The following ZFX variants were observed in gnomAD, a reference collection of about 807,000 sequenced individuals.
The protein encoded by ZFX is zinc finger X-chromosomal protein.
For missense variants in ZFX, 362 were observed against 628.3 expected (o/e 0.58, Z 4.53); for synonymous variants, 196 against 226.8 (o/e 0.86, Z 1.22).
chrX:24,165,346 C>T (rs1048589703), intron 3 of ZFX, among the ~76,000 whole-genome samples: 2 of 112,330 alleles, frequency 1.8e-5, no homozygotes, highest in Non-Finnish European at 3.8e-5. Context: ...TTCTCGATCT[C>T]CTGACCTTGT....
intron 5 of ZFX, among the ~76,000 whole-genome samples, chrX:24,185,891 G>A (rs761651805): frequency 1.9e-3 from 204 of 109,481 alleles, no homozygotes; most frequent in Non-Finnish European, 2.9e-3. Context: ...CCTTGATTGC[G>A]CCACTGTACT....
chrX:24,185,046 C>T (rs903066267), intron 5 of ZFX, among the ~76,000 whole-genome samples: 5 of 111,989 alleles, frequency 4.5e-5, no homozygotes, highest in African/African-American at 1.3e-4. Context: ...CTGCCTCCTG[C>T]GCTCAAGCAA....
intron 5 of ZFX, among the ~76,000 whole-genome samples, chrX:24,186,855 C>T (rs1281703910): frequency 9.0e-6 from 1 of 111,484 alleles, no homozygotes; most frequent in Non-Finnish European, 1.9e-5. Context: ...CTATTTACTG[C>T]ATCTTTGCTG....
chrX:24,169,605 AAAAAGAT>A (rs1412640031), intron 3 of ZFX, among the ~76,000 whole-genome samples: 1 of 108,331 alleles, frequency 9.2e-6, no homozygotes, highest in East Asian at 2.9e-4. Context: ...AAAAAAAAAA[AAAAAGAT>A]TCTTGAGAAG....
At chrX:24,168,539 T>C (rs986186294) in intron 3 of ZFX, among the ~76,000 whole-genome samples, 3 of 111,167 alleles carry the variant, frequency 2.7e-5, no homozygotes, top group Non-Finnish European at 3.8e-5. Flanking sequence ...TGCTTTATTA[T>C]ATATTTTATT....
chrX:24,186,822 T>G (rs1406026975), intron 5 of ZFX, among the ~76,000 whole-genome samples: 1 of 111,723 alleles, frequency 9.0e-6, no homozygotes, highest in Non-Finnish European at 1.9e-5. Flanking sequence ...CTAAGTTAAT[T>G]ATATGTTTCT....
rs1413516836 is a variant in ZFX at position 24,214,619 on chromosome X, C to G, written c.*3243C>G. ...TGCAAATACTGGTAATATTTCAGTT[C>G]TGTGAATTTGCAAGTAATATTTCAG... On this transcript the variant is annotated 3_prime_UTR_variant, in exon 10 of 10. Transcript: ENST00000304543. 8.9e-6 allele frequency: 1 copy of G among 112,100 alleles called. No homozygotes were observed. Among genetic ancestry groups the G allele is most frequent in the Non-Finnish European group, 1.9e-5 (1 of 53,164 alleles). 9.2% of individuals were successfully genotyped at this position (112,100 alleles called of 1,213,427 possible).
In ZFX at chrX:24,215,078, TTAAAA is replaced by T. The variant is rs1430470287; in HGVS notation, c.*3704_*3708del. The T allele has an allele frequency of 8.9e-6, 1 of 111,839 alleles. No homozygotes were observed. The highest frequency in any genetic ancestry group is 1.9e-5 in the Non-Finnish European group (1 of 53,223). 9.2% of individuals were successfully genotyped at this position (111,839 alleles called of 1,213,427 possible). ...TTTGCCTAATAGTTGAAACAATAAATTAAAATTTTAGGTAAATGACGAAGGGAATG... is the reference window on the plus strand; with the variant it reads ...TTTGCCTAATAGTTGAAACAATAAATTTTTAGGTAAATGACGAAGGGAATG... On this transcript the variant is annotated 3_prime_UTR_variant, in exon 10 of 10. Transcript: ENST00000304543.
Position 24,215,083 on chromosome X carries a change from AT to A in ZFX, c.*3711del, listed in dbSNP as rs1938373059. 1 of 111,955 alleles carries A rather than the reference AT, an allele frequency of 8.9e-6. No homozygotes were observed. The highest frequency in any genetic ancestry group is 1.9e-5 in the Non-Finnish European group (1 of 53,235). 9.2% of individuals were successfully genotyped at this position (111,955 alleles called of 1,213,427 possible). On this transcript the variant is annotated 3_prime_UTR_variant, in exon 10 of 10. Coordinates refer to ENST00000304543, the MANE Select transcript of ZFX (RefSeq NM_003410.4). ...CTAATAGTTGAAACAATAAATTAAA[AT>A]TTTAGGTAAATGACGAAGGGAATGT...
chrX:24,195,217 C>T (rs1292779842), intron 5 of ZFX, among the ~76,000 whole-genome samples: 8 of 109,595 alleles, frequency 7.3e-5, no homozygotes, highest in African/African-American at 2.0e-4. Flanking sequence ...TTTTTTGAGA[C>T]GGTGTCTCGT....
At position 24,180,202 on chromosome X, in the gene ZFX, A is replaced by G. The variant is rs1290167894; in HGVS notation, c.646+432A>G. Among the ~76,000 whole-genome samples, 5 of 109,596 alleles carry G rather than the reference A, an allele frequency of 4.6e-5. No individual in the cohort carries two copies. In the Admixed American group the frequency reaches 4.9e-4, roughly 11 times the overall value. ...AGCCAAGATTGTGCTACTGCACTTC[A>G]GCCTGGGTGACAGAGCAAGACTCCT... is the stretch of plus-strand genomic sequence containing the variant. On this transcript the variant is annotated intron_variant, in intron 5 of 9. Transcript: ENST00000304543.
intron 4 of ZFX, among the ~76,000 whole-genome samples, chrX:24,178,771 G>A (rs1935410562): frequency 9.0e-6 from 1 of 110,799 alleles, no homozygotes; most frequent in South Asian, 3.8e-4. Flanking sequence ...GTAGAGATGG[G>A]GTTTCACAAT....
In ZFX at chrX:24,179,495, C is replaced by T. The variant is rs762876891; in HGVS notation, c.371C>T (p.Ser124Leu). Residue 124 changes from serine (S) to leucine (L), a missense_variant, in exon 5 of 10, where the codon TCA (serine) becomes TTA (leucine). Ser to Leu is a moderately radical substitution (Grantham distance 145). Transcript: ENST00000304543. ...GATGTTTTAGCTTCTGACATTACTT[C>T]AGCCTCAATGTCTATGCCAGAACAC... The part of the protein sequence containing the change: ...PDDVLASDIT[S>L]ASMSMPEHVL... 1 of 1,212,342 alleles carries T rather than the reference C, an allele frequency of 8.2e-7. No homozygotes were observed. Among genetic ancestry groups the T allele is most frequent in the South Asian group, 1.8e-5 (1 of 57,049 alleles).
rs192636394 is a variant in ZFX, at chrX:24,155,462, A to G, written c.-29+2632A>G. Among the ~76,000 whole-genome samples, 3 of 112,319 alleles carry G rather than the reference A, an allele frequency of 2.7e-5. No homozygotes were observed. In the East Asian group the frequency reaches 8.4e-4, roughly 31 times the overall value. The stretch of plus-strand genomic sequence containing the variant: ...ATCTTTTCTTCTTGGAGGGACCGAT[A>G]GAAACTGTTTGCAGTTTCTGAATTT... On this transcript the variant is annotated intron_variant, in intron 3 of 9. Transcript: ENST00000304543.
chrX:24,152,229 G>A (rs1932260097), intron 2 of ZFX, among the ~76,000 whole-genome samples: 1 of 108,692 alleles, frequency 9.2e-6, no homozygotes, highest in Non-Finnish European at 1.9e-5. Flanking sequence ...TCTGCCTCCC[G>A]GGTTCAAGTA....
intron 5 of ZFX, among the ~76,000 whole-genome samples, chrX:24,206,264 T>C (rs1268709455): frequency 8.9e-6 from 1 of 112,453 alleles, no homozygotes; most frequent in Non-Finnish European, 1.9e-5. Flanking sequence ...TGCAAATAGA[T>C]CATATCAAGT....
At chrX:24,195,075 T>C (rs989898264) in intron 5 of ZFX, among the ~76,000 whole-genome samples, 2 of 111,846 alleles carry the variant, frequency 1.8e-5, no homozygotes, top group African/African-American at 3.2e-5. Context: ...ATATACTACG[T>C]TGTTTGGCTG....
rs1401745837 is a variant in ZFX at position 24,213,194 on chromosome X, C to T, written c.*1818C>T. ...TGCTGGGTTTACAGGCGTGAGCCAC[C>T]GTGCCCAGACACCACATAGGTCTGA... On this transcript the variant is annotated 3_prime_UTR_variant, in exon 10 of 10. Transcript: ENST00000304543. 2 of 112,302 alleles carry T rather than the reference C, an allele frequency of 1.8e-5. No homozygotes were observed. The highest frequency in any genetic ancestry group is 9.4e-5 in the Admixed American group (1 of 10,634). The allele number at this position is 112,302 out of a possible 1,213,427, so 9.3% of individuals were successfully genotyped here.
At chrX:24,174,198 A>G (rs73475919) in intron 4 of ZFX, among the ~76,000 whole-genome samples, 3,860 of 109,770 alleles carry the variant, frequency 0.035, 126 homozygotes, top group African/African-American at 0.099. Context: ...GGGTGATAGC[A>G]CGAGACGCAG....
Sources: gnomAD v4.1 joint callset for allele counts (sites outside exome capture counted in the v4.1 genomes callset) on GRCh38, gnomAD v4.1.1 for gene constraint, MANE v1.5 for transcripts, NCBI Gene and HGNC (gene_info 2026-07-23, HGNC 2026-07-21) for gene names.